Variants in VIL1 observed in about 807,000 individuals in gnomAD.
VIL1 encodes villin-1.
Under a neutral mutation model 104.0 loss-of-function variants are expected in VIL1, and 86 were observed. The observed-to-expected ratio is 0.83, with a 90% CI of 0.69 to 0.99. The LOEUF is 0.99. VIL1 is among the 50% of genes least tolerant of loss of function. The pLI, the probability that VIL1 is intolerant of heterozygous loss-of-function variation, is 0.00. For missense variants in VIL1, 944 were observed against 1,054.1 expected, an observed-to-expected ratio of 0.90 and a Z score of 1.45; for synonymous variants, 394 against 412.6, an observed-to-expected ratio of 0.95 and a Z score of 0.55.
intron 19 of VIL1, among the ~76,000 whole-genome samples, chr2:218,447,575 C>T (rs189613012): frequency 6.6e-6 from 1 of 152,220 alleles, no homozygotes; most frequent in African/African-American, 2.4e-5. Context: ...CTGACTTGGC[C>T]TCCCAAAATA....
In VIL1 at chr2:218,451,572, T is replaced by TTATACATC. The variant is rs3046871; in HGVS notation, c.*2240_*2241insCATCTATA. 6.6e-6 allele frequency: 1 copy of TTATACATC among 152,094 alleles called. No individual in the cohort carries two copies. Among genetic ancestry groups the TTATACATC allele is most frequent in the African/African-American group, 2.4e-5 (1 of 41,402 alleles). The allele number at this position is 152,094 out of a possible 1,614,324, so 9.4% of individuals were successfully genotyped here. A position where few individuals can be genotyped will look rare whatever the true frequency, so the allele number is the denominator to read the frequency against. ...TTTAGGTGTTTGCAGATAATTTTCA[T>TTATACATC]TATATCCGTAGCTGTATGTGTGTAT... On this transcript the variant is annotated 3_prime_UTR_variant, in exon 20 of 20. Coordinates refer to ENST00000248444, the MANE Select transcript of VIL1 (RefSeq NM_007127.3).
intron 5 of VIL1, 46 bp downstream of exon 5, chr2:218,428,119 G>A: frequency 6.2e-7 from 1 of 1,604,814 alleles, no homozygotes; most frequent in Non-Finnish European, 8.5e-7. Flanking sequence ...TGAGGCCCAG[G>A]GTGGAGGGCA....
At chr2:218,439,094 C>T (rs1369322876) in intron 18 of VIL1, among the ~76,000 whole-genome samples, 3 of 151,892 alleles carry the variant, frequency 2.0e-5, no homozygotes, top group African/African-American at 4.8e-5. Context: ...CCACGCCTGG[C>T]TAATTTTTGT....
At chr2:218,434,501 C>T in intron 13 of VIL1, 25 bp from the exon 14 acceptor site, 1 of 1,594,976 alleles carries the variant, frequency 6.3e-7, no homozygotes, top group South Asian at 1.1e-5. Flanking sequence ...GACTCTCTCT[C>T]CCTGTCTTCT....
chr2:218,427,769 C>A (rs1689027066), intron 4 of VIL1, among the ~76,000 whole-genome samples, 196 bp from the exon 5 acceptor site: 1 of 152,140 alleles, frequency 6.6e-6, no homozygotes, highest in Admixed American at 6.5e-5. Flanking sequence ...CAAGGGCATG[C>A]CACAGGCAGA....
chr2:218,432,714 G>T, intron 12 of VIL1, 79 bp from the exon 13 acceptor site: 1 of 1,570,870 alleles, frequency 6.4e-7, no homozygotes, highest in Non-Finnish European at 8.7e-7. Context: ...CTTGAGGATG[G>T]AGTTGTTGCT....
At chr2:218,434,403 C>T (rs968783996) in intron 13 of VIL1, 123 bp from the exon 14 acceptor site, 15 of 944,096 alleles carry the variant, frequency 1.6e-5, no homozygotes, top group East Asian at 5.0e-5. Context: ...GACCTGGTGA[C>T]GGAGCATCAG....
At chr2:218,426,216 G>A (rs1257330624) in intron 4 of VIL1, among the ~76,000 whole-genome samples, 1 of 151,842 alleles carries the variant, frequency 6.6e-6, no homozygotes, top group Non-Finnish European at 1.5e-5. Context: ...TCTAATGCAG[G>A]CCTATCACAC....
chr2:218,423,688 G>A, intron 1 of VIL1, 80 bp from the exon 2 acceptor site: 3 of 1,442,188 alleles, frequency 2.1e-6, no homozygotes, highest in Non-Finnish European at 2.9e-6. Flanking sequence ...TCCTGGCACT[G>A]TTGGGAGTTC....
At chr2:218,441,623 C>A (rs1317161891) in intron 19 of VIL1, among the ~76,000 whole-genome samples, 1 of 151,966 alleles carries the variant, frequency 6.6e-6, no homozygotes, top group Non-Finnish European at 1.5e-5. Context: ...GCCTTCTACC[C>A]CAAGTTAAGG....
intron 1 of VIL1, among the ~76,000 whole-genome samples, chr2:218,421,135 G>A (rs1688894494): frequency 6.6e-6 from 1 of 152,100 alleles, no homozygotes; most frequent in Non-Finnish European, 1.5e-5. Context: ...TGTCAGAAAG[G>A]TGGGGAGAGC....
intron 10 of VIL1, 57 bp downstream of exon 10, chr2:218,430,935 G>C (rs1213445193): frequency 6.4e-7 from 1 of 1,571,358 alleles, no homozygotes; most frequent in Middle Eastern, 1.7e-4. Context: ...GGCCAGGAGA[G>C]CCACTTGGTC....
At chr2:218,441,489 G>C (rs1048673656) in intron 19 of VIL1, among the ~76,000 whole-genome samples, 2 of 152,176 alleles carry the variant, frequency 1.3e-5, no homozygotes, top group Non-Finnish European at 2.9e-5. Flanking sequence ...GTTAGTTCTG[G>C]AGAAGGGACA....
intron 4 of VIL1, 46 bp downstream of exon 4, chr2:218,425,857 G>A (rs781497044): frequency 1.3e-6 from 2 of 1,555,608 alleles, no homozygotes; most frequent in South Asian, 2.4e-5. Flanking sequence ...ATGAGTGGTA[G>A]GGATAGAGAT....
In VIL1 at chr2:218,437,130, T is replaced by A. The variant is rs780786350; in HGVS notation, c.1978T>A (p.Phe660Ile). 1.2e-6 allele frequency: 2 copies of A among 1,613,840 alleles called. No individual in the cohort carries two copies. Among genetic ancestry groups the A allele is most frequent in the African/African-American group, 2.7e-5 (2 of 74,902 alleles). The part of the protein sequence containing the change: ...FLLDVWDQVF[F>I]WIGKHANEEE... ...CCCCTGGGTTTCTCAATAGGTCTTC[T>A]TCTGGATTGGGAAACATGCCAACGA... Residue 660 changes from phenylalanine (F) to isoleucine (I), a missense_variant, in exon 17 of 20, where the codon TTC (phenylalanine) becomes ATC (isoleucine). Coordinates refer to ENST00000248444, the MANE Select transcript of VIL1 (RefSeq NM_007127.3).
rs1388999082 is a variant in VIL1, at chr2:218,423,458, A to AG, written c.-11-304dup. 2.0e-5 allele frequency among the ~76,000 whole-genome samples: 3 copies of AG among 152,172 alleles called. No individual in the cohort carries two copies. The East Asian group carries it at 5.8e-4, about 29-fold the overall frequency. ...CTGACATGAGGAGAAAAGCTTGGGG[A>AG]GGGGGGTTCCTTCCAGTTTAGCGGG... On this transcript the variant is annotated intron_variant, in intron 1 of 19. Transcript: ENST00000248444.
intron 15 of VIL1, 51 bp downstream of exon 15, chr2:218,435,485 C>A: frequency 1.3e-6 from 2 of 1,590,792 alleles, no homozygotes; most frequent in South Asian, 2.3e-5. Context: ...GGGAGCCGCC[C>A]AGCATCTCCA....
At position 218,430,895 on chromosome 2, in the gene VIL1, G is replaced by A. The variant is rs1428924423; in HGVS notation, c.1102+17G>A. On this transcript the variant is annotated intron_variant, in intron 10 of 19. Coordinates refer to ENST00000248444, the MANE Select transcript of VIL1 (RefSeq NM_007127.3). ...GCTCCGTGGGTGAGGGCCAGGCGGG[G>A]GCAGTGAGGGAGCCAGGATCCAGGA... The A allele has an allele frequency of 1.9e-6, 3 of 1,605,284 alleles. No individual in the cohort carries two copies. The highest frequency in any genetic ancestry group is 2.3e-5 in the East Asian group (1 of 44,380).
At chr2:218,425,532 C>A in intron 3 of VIL1, 83 bp from the exon 4 acceptor site, 1 of 1,443,802 alleles carries the variant, frequency 6.9e-7, no homozygotes. Flanking sequence ...TAGTCCTGGA[C>A]GGCACGTGTG....
Sources: allele counts gnomAD v4.1 joint callset (sites outside exome capture counted in the v4.1 genomes callset), GRCh38; gene constraint gnomAD v4.1.1; transcripts MANE v1.5; gene names NCBI Gene and HGNC (gene_info 2026-07-23, HGNC 2026-07-21).